ATP2B1: variants seen among roughly 807,000 people sequenced by gnomAD.
ATP2B1 encodes plasma membrane calcium-transporting ATPase 1.
A neutral mutation model predicts 124.2 loss-of-function variants in ATP2B1; 14 were observed. The ratio of observed to expected loss-of-function variants is 0.11; its 90% CI spans 0.07 to 0.18. The LOEUF (loss-of-function observed/expected upper bound fraction) is 0.18, where lower values mean the gene tolerates loss of function less well. Ranked by LOEUF, ATP2B1 falls within the 10% of genes least tolerant of loss-of-function variation. The pLI, the probability that ATP2B1 is intolerant of heterozygous loss-of-function variation, is 1.00. For missense variants in ATP2B1, 763 were observed against 1,466.1 expected, an observed-to-expected ratio of 0.52 and a Z score of 7.83; for synonymous variants, 449 against 492.4, an observed-to-expected ratio of 0.91 and a Z score of 1.17.
chr12:89,699,350 G>C (rs924605915), intron 1 of ATP2B1, among the ~76,000 whole-genome samples: 1 of 152,160 alleles, frequency 6.6e-6, no homozygotes, highest in African/African-American at 2.4e-5. Flanking sequence ...TGAAATCTTA[G>C]ATAATTTAGC....
Position 89,634,724 on chromosome 12 carries a change from T to C in ATP2B1, c.787+54A>G, listed in dbSNP as rs1592808684. Reference sequence around the variant, plus strand: ...TTAGGAAAATGGTGTTTGCTGACAATGGTACATAGTTGCGAAAGAGGAAAG... The same window carrying C: ...TTAGGAAAATGGTGTTTGCTGACAACGGTACATAGTTGCGAAAGAGGAAAG... On this transcript the variant is annotated intron_variant, in intron 5 of 20. Transcript: ENST00000428670. The C allele has an allele frequency of 3.9e-5, 57 of 1,474,168 alleles. No individual in the cohort carries two copies. In the East Asian group the frequency reaches 1.1e-3, roughly 30 times the overall value. 91.3% of individuals were successfully genotyped at this position (1,474,168 alleles called of 1,614,324 possible). A position where few individuals can be genotyped will look rare whatever the true frequency, so the allele number is the denominator to read the frequency against.
At chr12:89,655,630 T>C (rs758775277) in intron 2 of ATP2B1, 49 bp downstream of exon 2, 1 of 1,539,450 alleles carries the variant, frequency 6.5e-7, no homozygotes, top group Non-Finnish European at 9.0e-7. Flanking sequence ...AAGCCAAATA[T>C]ATAGAACTCT....
At chr12:89,668,692 C>G (rs1887580950) in intron 1 of ATP2B1, among the ~76,000 whole-genome samples, 1 of 152,158 alleles carries the variant, frequency 6.6e-6, no homozygotes, top group South Asian at 2.1e-4. Context: ...CATTTCCCTT[C>G]TCACGAGGTT....
intron 1 of ATP2B1, among the ~76,000 whole-genome samples, chr12:89,688,837 T>C (rs1890241663): frequency 6.6e-6 from 1 of 152,088 alleles, no homozygotes; most frequent in Non-Finnish European, 1.5e-5. Context: ...TAAAATTCTT[T>C]GTCTATCCCC....
In ATP2B1 at chr12:89,606,847, A is replaced by AT. The variant is rs1355387202; in HGVS notation, c.2443-2502dup. 2.6e-5 allele frequency among the ~76,000 whole-genome samples: 4 copies of AT among 152,242 alleles called. No individual in the cohort carries two copies. In the East Asian group the frequency reaches 7.7e-4, roughly 29 times the overall value. On this transcript the variant is annotated intron_variant, in intron 15 of 20. Transcript: ENST00000428670. The stretch of plus-strand genomic sequence containing the variant: ...CGCCTCGGCCTCCCAAAGTGCTGGG[A>AT]TTACAGGTGTGAGCCACCATGCCTG...
intron 6 of ATP2B1, among the ~76,000 whole-genome samples, chr12:89,629,221 C>T (rs1881446185): frequency 6.6e-6 from 1 of 152,078 alleles, no homozygotes; most frequent in South Asian, 2.1e-4. Flanking sequence ...GACTCTTGAG[C>T]CAGAGAAGAG....
chr12:89,630,022 A>C (rs1361453959), intron 6 of ATP2B1, among the ~76,000 whole-genome samples: 2 of 152,236 alleles, frequency 1.3e-5, no homozygotes, highest in African/African-American at 4.8e-5. Flanking sequence ...AAAGATTTTG[A>C]TATCTAATGA....
intron 2 of ATP2B1, among the ~76,000 whole-genome samples, chr12:89,651,085 C>T (rs906009980): frequency 6.6e-6 from 1 of 152,098 alleles, no homozygotes; most frequent in African/African-American, 2.4e-5. Flanking sequence ...TTTACAGTTC[C>T]AATTTCTTTA....
chr12:89,601,203 C>T (rs1381478431), intron 19 of ATP2B1, 123 bp downstream of exon 19: 2 of 672,560 alleles, frequency 3.0e-6, no homozygotes, highest in East Asian at 3.0e-5. Context: ...CTTTGAATGC[C>T]CTCTCTTTAC....
rs116114822 is a variant in ATP2B1, at chr12:89,630,449, T to C, written c.928+56A>G. On this transcript the variant is annotated intron_variant, in intron 6 of 20. Transcript: ENST00000428670. ...ATCTCTTGAAAGAAGGTACTAGTTCTTACAAATTATTTGCCCTATTTCCAA... is the reference window on the plus strand; with the variant it reads ...ATCTCTTGAAAGAAGGTACTAGTTCCTACAAATTATTTGCCCTATTTCCAA... The C allele has an allele frequency of 3.1e-3, 4,285 of 1,364,480 alleles. 112 individuals carry two copies. In the African/African-American group the frequency reaches 0.057, roughly 18 times the overall value. 84.5% of individuals were successfully genotyped at this position (1,364,480 alleles called of 1,614,324 possible). A position where few individuals can be genotyped will look rare whatever the true frequency, so the allele number is the denominator to read the frequency against.
chr12:89,706,782 C>T (rs1378872006), intron 1 of ATP2B1, among the ~76,000 whole-genome samples: 2 of 152,214 alleles, frequency 1.3e-5, no homozygotes, highest in Admixed American at 1.3e-4. Flanking sequence ...TTAAAGGTGG[C>T]GCTCTGTCCT....
intron 1 of ATP2B1, among the ~76,000 whole-genome samples, chr12:89,692,396 T>C (rs1373072961): frequency 6.6e-6 from 1 of 152,164 alleles, no homozygotes; most frequent in African/African-American, 2.4e-5. Context: ...GGGACGACTG[T>C]GTGGAATCTT....
intron 11 of ATP2B1, among the ~76,000 whole-genome samples, chr12:89,617,550 G>A (rs1160447380): frequency 6.6e-6 from 1 of 152,264 alleles, no homozygotes; most frequent in East Asian, 1.9e-4. Context: ...CAGAATGAGA[G>A]TTAATGCCAA....
rs1035673256 is a variant in ATP2B1, at chr12:89,655,729, T to C, written c.158A>G (p.Tyr53Cys). Residue 53 changes from tyrosine to cysteine, a missense_variant, in exon 2 of 21, where the codon TAT becomes TGT. Tyr to Cys is a radical substitution (Grantham distance 194). Transcript: ENST00000428670. ...TDALRKIQES[Y>C]GDVYGICTKL... ...GGTGCAAATTCCATAGACATCTCCA[T>C]AGCTTTCCTGTATTTTTCGTAATGC... 8 of 1,614,076 alleles carry C rather than the reference T, an allele frequency of 5.0e-6. No individual in the cohort carries two copies. The highest frequency in any genetic ancestry group is 2.7e-5 in the African/African-American group (2 of 74,940).
At position 89,708,620 on chromosome 12, in the gene ATP2B1, T is replaced by A. The variant is rs1209629415; in HGVS notation, c.-246A>T. ...CCTCGCCCGGCAGTGGGAACCATTT[T>A]CCGAGGGGGAAGGAAAGGCAGGCTG... On this transcript the variant is annotated 5_prime_UTR_variant, in exon 1 of 21. Transcript: ENST00000428670. The A allele has an allele frequency of 6.6e-6, 1 of 151,410 alleles. No individual in the cohort carries two copies. The highest frequency in any genetic ancestry group is 1.5e-5 in the Non-Finnish European group (1 of 67,812). The allele number at this position is 151,410 out of a possible 1,614,324, so 9.4% of individuals were successfully genotyped here.
intron 3 of ATP2B1, among the ~76,000 whole-genome samples, chr12:89,636,810 A>G (rs996578882): frequency 6.6e-6 from 1 of 152,212 alleles, no homozygotes; most frequent in African/African-American, 2.4e-5. Flanking sequence ...AATCCAACAG[A>G]ACCCCCTCCA....
At chr12:89,699,199 C>T (rs779147361) in intron 1 of ATP2B1, among the ~76,000 whole-genome samples, 8 of 152,106 alleles carry the variant, frequency 5.3e-5, no homozygotes, top group Non-Finnish European at 1.2e-4. Context: ...ACTAAGTCAA[C>T]GCCTTCTAAA....
In ATP2B1 at chr12:89,620,097, G is replaced by A. The variant is rs200475474; in HGVS notation, c.1731C>T (p.Thr577=). 5 of 1,614,060 alleles carry A rather than the reference G, an allele frequency of 3.1e-6. No individual in the cohort carries two copies. Among genetic ancestry groups the A allele is most frequent in the Non-Finnish European group, 4.2e-6 (5 of 1,179,984 alleles). Residue 577 remains threonine (T), a synonymous_variant, in exon 11 of 21, where the codon ACC becomes ACT. Coordinates refer to ENST00000428670, the MANE Select transcript of ATP2B1 (RefSeq NM_001366521.1). ...IPEEALYKVY[T]FNSVRKSMST... ...TCATGGACTTCCTAACAGAATTGAA[G>A]GTGTAGACTTTGTACAGTGCTTCTT...
At chr12:89,671,580 C>G (rs1310051907) in intron 1 of ATP2B1, among the ~76,000 whole-genome samples, 3 of 152,202 alleles carry the variant, frequency 2.0e-5, no homozygotes, top group Non-Finnish European at 4.4e-5. Context: ...CCCCCAATTG[C>G]CAGATGAGGT....
Sources: gnomAD v4.1 joint callset for allele counts (sites outside exome capture counted in the v4.1 genomes callset) on GRCh38, gnomAD v4.1.1 for gene constraint, MANE v1.5 for transcripts, NCBI Gene and HGNC (gene_info 2026-07-23, HGNC 2026-07-21) for gene names.